AFAP1: variants seen among roughly 807,000 people sequenced by gnomAD.
AFAP1 encodes actin filament-associated protein 1.
AFAP1 carries 75 observed loss-of-function variants against 93.9 expected under a neutral mutation model. The ratio of observed to expected loss-of-function variants is 0.80; its 90% CI spans 0.66 to 0.97. AFAP1 has a LOEUF of 0.97. Ranked by LOEUF, AFAP1 falls within the 50% of genes least tolerant of loss-of-function variation. The probability of loss-of-function intolerance (pLI) is 0.00; values close to 1 mark genes in which losing one functional copy is unlikely to be tolerated. For missense variants in AFAP1, 1,201 were observed against 1,050.8 expected (o/e 1.14, Z -1.98); for synonymous variants, 517 against 430.7 (o/e 1.20, Z -2.48).
chr4:7,793,610 T>C, intron 11 of AFAP1, 71 bp downstream of exon 11: 1 of 1,373,184 alleles, frequency 7.3e-7, no homozygotes, highest in Non-Finnish European at 9.6e-7. Flanking sequence ...ACACAAAAAC[T>C]AAGTTAAGCT....
At chr4:7,786,444 C>T (rs1717272783) in intron 11 of AFAP1, 133 bp from the exon 12 acceptor site, 2 of 730,736 alleles carry the variant, frequency 2.7e-6, no homozygotes, top group African/African-American at 1.8e-5. Context: ...AAATACTAGA[C>T]AGAATCTCGG....
chr4:7,802,327 A>C (rs1200003819), intron 9 of AFAP1, among the ~76,000 whole-genome samples: 2 of 152,256 alleles, frequency 1.3e-5, no homozygotes, highest in Non-Finnish European at 2.9e-5. Flanking sequence ...TCTTGTGTTC[A>C]GAGAGCAAAC....
intron 13 of AFAP1, 122 bp downstream of exon 13, chr4:7,781,252 TGA>T: frequency 7.9e-7 from 1 of 1,260,118 alleles, no homozygotes; most frequent in Non-Finnish European, 1.1e-6. Context: ...ATATTCTAGT[TGA>T]GAAAAAAAAA....
intron 6 of AFAP1, among the ~76,000 whole-genome samples, chr4:7,829,074 T>C (rs1439096596): frequency 6.6e-6 from 1 of 152,216 alleles, no homozygotes. Context: ...ACTTCTCTCC[T>C]GCTGCCATGT....
At chr4:7,793,929 A>G (rs1718139423) in intron 10 of AFAP1, 103 bp from the exon 11 acceptor site, 4 of 1,274,818 alleles carry the variant, frequency 3.1e-6, no homozygotes, top group Non-Finnish European at 3.1e-6. Flanking sequence ...GCGATGAAAC[A>G]TGATGTCCCT....
intron 1 of AFAP1, among the ~76,000 whole-genome samples, chr4:7,908,162 A>C (rs6846758): frequency 0.022 from 3,377 of 151,590 alleles, 60 homozygotes; most frequent in Middle Eastern, 0.078. Flanking sequence ...CAGTAAGCCG[A>C]GATCACACCA....
intron 10 of AFAP1, among the ~76,000 whole-genome samples, chr4:7,796,333 C>G (rs1190778868): frequency 6.6e-6 from 1 of 152,326 alleles, no homozygotes; most frequent in East Asian, 1.9e-4. Flanking sequence ...ACTATATAAT[C>G]TCTTTATTAC....
At chr4:7,783,086 G>T (rs549942800) in intron 12 of AFAP1, among the ~76,000 whole-genome samples, 2 of 152,238 alleles carry the variant, frequency 1.3e-5, no homozygotes, top group African/African-American at 4.8e-5. Context: ...GGAACGTTGG[G>T]TAAACATTAC....
At chr4:7,848,198 GAAGC>G (rs1178363811) in intron 4 of AFAP1, among the ~76,000 whole-genome samples, 3 of 73,228 alleles carry the variant, frequency 4.1e-5, no homozygotes, top group East Asian at 5.7e-4. Context: ...AGGAAGGAAG[GAAGC>G]AAGGGAGGGA....
At chr4:7,890,445 A>T (rs1463756030) in intron 1 of AFAP1, among the ~76,000 whole-genome samples, 1 of 152,212 alleles carries the variant, frequency 6.6e-6, no homozygotes, top group Non-Finnish European at 1.5e-5. Flanking sequence ...CATAGGCAAA[A>T]ATATTTATGA....
rs1301626726 is a variant in AFAP1, at chr4:7,760,202, A to G, written c.*3563T>C. Reference sequence around the variant, plus strand: ...CAGAGCTGAGGCCACACTTTTTGAAACAGACTTTTCAAAAGGAGTAAATCT... The same window carrying G: ...CAGAGCTGAGGCCACACTTTTTGAAGCAGACTTTTCAAAAGGAGTAAATCT... On this transcript the variant is annotated 3_prime_UTR_variant, in exon 18 of 18. Transcript: ENST00000420658. 2 of 152,208 alleles carry G rather than the reference A, an allele frequency of 1.3e-5. No homozygotes were observed. The highest frequency in any genetic ancestry group is 4.8e-5 in the African/African-American group (2 of 41,466). 9.4% of individuals were successfully genotyped at this position (152,208 alleles called of 1,614,324 possible). A position where few individuals can be genotyped will look rare whatever the true frequency, so the allele number is the denominator to read the frequency against.
intron 6 of AFAP1, among the ~76,000 whole-genome samples, chr4:7,830,760 C>T (rs756275315): frequency 6.6e-6 from 1 of 152,076 alleles, no homozygotes; most frequent in Non-Finnish European, 1.5e-5. Flanking sequence ...TAGGCTATGC[C>T]ACCATGCTCA....
chr4:7,823,161 A>T (rs1282233695), intron 6 of AFAP1, among the ~76,000 whole-genome samples: 1 of 151,500 alleles, frequency 6.6e-6, no homozygotes, highest in South Asian at 2.1e-4. Context: ...TGTGTCTCCT[A>T]CTAAGTTGTG....
In AFAP1 at chr4:7,914,357, A is replaced by G. The variant is rs11941953; in HGVS notation, c.-3+25299T>C. Among the ~76,000 whole-genome samples the G allele has an allele frequency of 4.5e-3, 680 of 152,184 alleles. 5 individuals are homozygous for G. Among genetic ancestry groups the G allele is most frequent in the African/African-American group, 0.016 (648 of 41,520 alleles). On this transcript the variant is annotated intron_variant, in intron 1 of 17. Transcript: ENST00000420658. ...GGCATGAGCCACCGTGCCCAGCCTG[A>G]AACTATATATATTCTTGTTATCCAC...
At chr4:7,772,754 G>A in intron 16 of AFAP1, 66 bp downstream of exon 16, 1 of 1,485,296 alleles carries the variant, frequency 6.7e-7, no homozygotes, top group South Asian at 1.3e-5. Context: ...CATTCTCTCT[G>A]GGTGCACTGG....
chr4:7,841,177 G>A (rs1263383052), intron 5 of AFAP1, among the ~76,000 whole-genome samples: 1 of 152,242 alleles, frequency 6.6e-6, no homozygotes, highest in Non-Finnish European at 1.5e-5. Context: ...CCAGGAGCAA[G>A]GAGAGGGAGG....
intron 17 of AFAP1, among the ~76,000 whole-genome samples, chr4:7,765,488 T>C (rs116151127): frequency 6.6e-6 from 1 of 152,354 alleles, no homozygotes; most frequent in African/African-American, 2.4e-5. Flanking sequence ...CCCTCCGTGC[T>C]CTTCCTCACC....
chr4:7,879,395 ACCACCTCCTCTGTTCGACACCCCAGCC>A (rs941741907), intron 1 of AFAP1, among the ~76,000 whole-genome samples: 2 of 152,152 alleles, frequency 1.3e-5, no homozygotes, highest in African/African-American at 4.8e-5. Flanking sequence ...CTACACGTGA[ACCACCTCCTCTGTTCGACACCCCAGCC>A]CCGACACCTG....
In AFAP1 at chr4:7,800,595, A is replaced by G; in HGVS notation, c.1113T>C (p.Asp371=). Residue 371 remains aspartate (D), a synonymous_variant, in exon 10 of 18, where the codon GAT becomes GAC. Transcript: ENST00000420658. ...RWRERWCRVK[D]NKLIFHKDRT... ...TGTCCTTGTGGAAAATGAGCTTGTT[A>G]TCTTTCACTCGGCACCAGCGCTCTC... The G allele has an allele frequency of 6.2e-7, 1 of 1,614,220 alleles. No individual in the cohort carries two copies. The highest frequency in any genetic ancestry group is 8.5e-7 in the Non-Finnish European group (1 of 1,180,040).
Sources: allele counts gnomAD v4.1 joint callset (sites outside exome capture counted in the v4.1 genomes callset), GRCh38; gene constraint gnomAD v4.1.1; transcripts MANE v1.5; gene names NCBI Gene and HGNC (gene_info 2026-07-23, HGNC 2026-07-21).